Variants in ZNF624 observed in about 807,000 individuals in gnomAD.
The protein encoded by ZNF624 is zinc finger protein 624.
A neutral mutation model predicts 74.7 loss-of-function variants in ZNF624; 43 were observed. The observed-to-expected ratio is 0.58, with a 90% CI of 0.45 to 0.74. The LOEUF (loss-of-function observed/expected upper bound fraction) is 0.74, where lower values mean the gene tolerates loss of function less well. Ranked by LOEUF, ZNF624 falls within the 30% of genes least tolerant of loss-of-function variation. ZNF624 has a pLI of 0.00. For missense variants in ZNF624, 820 were observed against 1,030.0 expected (o/e 0.80, Z 2.79); for synonymous variants, 331 against 341.3 (o/e 0.97, Z 0.33).
rs773348215 is a variant in ZNF624 at position 16,624,333 on chromosome 17, G to A, written c.553C>T (p.His185Tyr). The A allele has an allele frequency of 7.4e-6, 12 of 1,613,332 alleles. No individual in the cohort carries two copies. Among genetic ancestry groups the A allele is most frequent in the Non-Finnish European group, 1.0e-5 (12 of 1,179,800 alleles). ...AGTGGAATTATTCTTTGACTCAAATGATTCTCCTGATTATTTTGTAATCTC... is the reference window on the plus strand; with the variant it reads ...AGTGGAATTATTCTTTGACTCAAATAATTCTCCTGATTATTTTGTAATCTC... ...ILRLQNNQEN[H>Y]LSQRIIPLKK... Residue 185 changes from histidine (H) to tyrosine (Y), a missense_variant, in exon 6 of 6, where the codon CAT becomes TAT. Transcript: ENST00000311331.
At chr17:16,625,957 T>C (rs988575325) in intron 5 of ZNF624, among the ~76,000 whole-genome samples, 3 of 152,154 alleles carry the variant, frequency 2.0e-5, no homozygotes, top group African/African-American at 7.2e-5. Flanking sequence ...TTTTTTTTTT[T>C]TTTAATTTTT....
intron 3 of ZNF624, 56 bp downstream of exon 3, chr17:16,647,273 G>T: frequency 1.4e-6 from 2 of 1,381,510 alleles, no homozygotes; most frequent in Non-Finnish European, 2.1e-6. Flanking sequence ...GAGAATCAGA[G>T]GCAGTAAAAT....
chr17:16,617,712 C>A, downstream of ZNF624: 1 of 1,604,484 alleles, frequency 6.2e-7, no homozygotes, highest in South Asian at 1.1e-5. Context: ...GAGCTCCTCG[C>A]TGTTCAGCTC....
At position 16,620,911 on chromosome 17, in the gene ZNF624, A is replaced by G. The variant is rs1218722919; in HGVS notation, c.*1377T>C. 1 of 152,218 alleles carries G rather than the reference A, an allele frequency of 6.6e-6. No homozygotes were observed. The highest frequency in any genetic ancestry group is 1.5e-5 in the Non-Finnish European group (1 of 68,036). 9.4% of individuals were successfully genotyped at this position (152,218 alleles called of 1,614,324 possible). ...CTCTCTCAAAAGTTCACATAATTACATAATATTACATTTACAGTTTTATAC... is the reference window on the plus strand; with the variant it reads ...CTCTCTCAAAAGTTCACATAATTACGTAATATTACATTTACAGTTTTATAC... On this transcript the variant is annotated 3_prime_UTR_variant, in exon 6 of 6. Coordinates refer to ENST00000311331, the MANE Select transcript of ZNF624 (RefSeq NM_020787.4).
chr17:16,643,433 CATATT>C (rs1452758648), intron 3 of ZNF624, among the ~76,000 whole-genome samples: 2 of 152,086 alleles, frequency 1.3e-5, no homozygotes, highest in African/African-American at 2.4e-5. Flanking sequence ...CCAAGGACAA[CATATT>C]ATATCATTTC....
chr17:16,633,833 T>C (rs1909260926), intron 5 of ZNF624, 29 bp downstream of exon 5: 3 of 1,540,538 alleles, frequency 1.9e-6, no homozygotes, highest in African/African-American at 1.4e-5. Flanking sequence ...TTCAAATAAA[T>C]CCCATCTTCT....
intron 3 of ZNF624, among the ~76,000 whole-genome samples, chr17:16,639,384 G>A (rs1441327353): frequency 6.6e-6 from 1 of 152,120 alleles, no homozygotes; most frequent in Admixed American, 6.5e-5. Context: ...AAGACATGGC[G>A]AATGTAGGAC....
At position 16,623,085 on chromosome 17, in the gene ZNF624, CA is replaced by C; in HGVS notation, c.1800del (p.Val601TyrfsTer25). On this transcript the variant is annotated frameshift_variant, in exon 6 of 6. Transcript: ENST00000311331. LOFTEE classifies it high-confidence loss of function. The surrounding 1 kb of genome is among the most constrained non-coding windows in gnomAD (Gnocchi z 5.3). ...GESFRIKSHL[T>X]VHQRIHTGEK... is the part of the protein sequence containing the mutation. The stretch of plus-strand genomic sequence containing the variant: ...TCTCCAGTGTGAATTCTCTGATGTA[CA>C]GTTAAGTGTGATTTTATTCTGAAAG... 1 of 1,613,960 alleles carries C rather than the reference CA, an allele frequency of 6.2e-7. No homozygotes were observed. Among genetic ancestry groups the C allele is most frequent in the South Asian group, 1.1e-5 (1 of 91,078 alleles).
intron 5 of ZNF624, 57 bp from the exon 6 acceptor site, chr17:16,624,566 C>T: frequency 1.4e-6 from 2 of 1,421,764 alleles, no homozygotes; most frequent in East Asian, 2.3e-5. Flanking sequence ...GGCAATCTCA[C>T]TAAACAGAAT....
At chr17:16,640,490 A>T (rs1342504679) in intron 3 of ZNF624, among the ~76,000 whole-genome samples, 3 of 152,042 alleles carry the variant, frequency 2.0e-5, no homozygotes, top group South Asian at 2.1e-4. Context: ...TTGGAAAGAT[A>T]AAAAAATGGC....
chr17:16,630,729 C>T (rs1909187060), intron 5 of ZNF624, among the ~76,000 whole-genome samples: 1 of 152,008 alleles, frequency 6.6e-6, no homozygotes, highest in African/African-American at 2.4e-5. Flanking sequence ...AAGGCAAAAA[C>T]TTTTAAGAAA....
chr17:16,626,235 G>A (rs576504281), intron 5 of ZNF624, among the ~76,000 whole-genome samples: 1 of 152,292 alleles, frequency 6.6e-6, no homozygotes, highest in South Asian at 2.1e-4. Context: ...TCAGGCGTGA[G>A]CCACTGTGCC....
Position 16,646,198 on chromosome 17 carries a change from G to A in ZNF624, c.153+1131C>T, listed in dbSNP as rs141920756. Among the ~76,000 whole-genome samples, 64 of 152,094 alleles carry A rather than the reference G, an allele frequency of 4.2e-4. No individual in the cohort carries two copies. In the East Asian group the frequency reaches 8.9e-3, roughly 21 times the overall value. On this transcript the variant is annotated intron_variant, in intron 3 of 5. Coordinates refer to ENST00000311331, the MANE Select transcript of ZNF624 (RefSeq NM_020787.4). ...AGAACAAAAATAAACCATATGAATT[G>A]TACACCATGTCAAAAAGTATGGCAT... is the stretch of plus-strand genomic sequence containing the variant.
chr17:16,649,136 T>TAGA (rs1180978067), intron 2 of ZNF624, among the ~76,000 whole-genome samples: 1 of 152,192 alleles, frequency 6.6e-6, no homozygotes, highest in Non-Finnish European at 1.5e-5. Flanking sequence ...TCAATGAAAC[T>TAGA]GTAAATTCCC....
At chr17:16,617,544 A>T, downstream of ZNF624, 1 of 1,575,162 alleles carries the variant, frequency 6.3e-7, no homozygotes, top group Non-Finnish European at 8.7e-7. Flanking sequence ...GATTTTCTAC[A>T]ATAAGCCTGT....
At chr17:16,617,137 G>A, downstream of ZNF624, 1 of 1,613,204 alleles carries the variant, frequency 6.2e-7, no homozygotes, top group Non-Finnish European at 8.5e-7. Flanking sequence ...CTTGGGCTTA[G>A]ATTTGCTCTT....
intron 3 of ZNF624, among the ~76,000 whole-genome samples, chr17:16,636,785 G>A (rs923334318): frequency 1.3e-4 from 19 of 151,734 alleles, no homozygotes; most frequent in African/African-American, 3.6e-4. Context: ...GCAGTGAGCC[G>A]AGATTGCGCC....
At position 16,622,033 on chromosome 17, in the gene ZNF624, CTAAAGA is replaced by C. The variant is rs1260381907; in HGVS notation, c.*249_*254del. 11 of 273,926 alleles carry C rather than the reference CTAAAGA, an allele frequency of 4.0e-5. No individual in the cohort carries two copies. Among genetic ancestry groups the C allele is most frequent in the Admixed American group, 1.9e-4 (4 of 21,428 alleles). The allele number at this position is 273,926 out of a possible 1,614,324, so 17.0% of individuals were successfully genotyped here. Reference sequence around the variant, plus strand: ...GGCAAATACATATATAGGCAATTAACTAAAGATAATTTGTTAAATGAGTAAAGTATG... The same window carrying C: ...GGCAAATACATATATAGGCAATTAACTAATTTGTTAAATGAGTAAAGTATG... On this transcript the variant is annotated 3_prime_UTR_variant, in exon 6 of 6. Transcript: ENST00000311331.
At chr17:16,633,617 T>C (rs1909254975) in intron 5 of ZNF624, among the ~76,000 whole-genome samples, 1 of 151,928 alleles carries the variant, frequency 6.6e-6, no homozygotes, top group South Asian at 2.1e-4. Context: ...AATAAAATAA[T>C]AATTACGAAA....
Sources: gnomAD v4.1 joint callset for allele counts (sites outside exome capture counted in the v4.1 genomes callset) on GRCh38, gnomAD v4.1.1 for gene constraint, Gnocchi (gnomAD v3.1) non-coding constraint, MANE v1.5 for transcripts, NCBI Gene and HGNC (gene_info 2026-07-23, HGNC 2026-07-21) for gene names.